MCM8: variants seen among roughly 807,000 people sequenced by gnomAD.
The protein encoded by MCM8 is minichromosome maintenance 8 homologous recombination repair factor, also known as DNA helicase MCM8.
In MCM8, 85 loss-of-function variants were observed where a neutral mutation model predicts 98.9. The observed-to-expected ratio is 0.86, with a 90% CI of 0.72 to 1.03. MCM8 has a LOEUF of 1.03. Among genes scored for constraint, MCM8 ranks in the 50% least tolerant of loss-of-function variants. The pLI, the probability that MCM8 is intolerant of heterozygous loss-of-function variation, is 0.00. For missense variants in MCM8, 951 were observed against 997.8 expected (o/e 0.95, Z 0.63); for synonymous variants, 352 against 338.6 (o/e 1.04, Z -0.44).
chr20:5,987,314 A>G lies in MCM8; in HGVS notation c.2196A>G (p.Ala732=). 6.2e-7 allele frequency: 1 copy of G among 1,613,532 alleles called. No homozygotes were observed. The highest frequency in any genetic ancestry group is 8.5e-7 in the Non-Finnish European group (1 of 1,179,804). ...ARARLELREE[A]TKEDAEDIVE... Reference sequence around the variant, plus strand: ...CAAGGTTGGAATTGAGAGAGGAAGCAACCAAAGAAGACGCTGAGGATATAG... The same window carrying G: ...CAAGGTTGGAATTGAGAGAGGAAGCGACCAAAGAAGACGCTGAGGATATAG... The change falls in exon 17 of 19, where the codon GCA becomes GCG. Residue 732 remains alanine (A), a synonymous_variant. Coordinates refer to ENST00000610722, the MANE Select transcript of MCM8 (RefSeq NM_032485.6).
intron 2 of MCM8, 43 bp downstream of exon 2, chr20:5,952,206 A>G: frequency 6.2e-7 from 1 of 1,607,494 alleles, no homozygotes; most frequent in Non-Finnish European, 8.5e-7. Flanking sequence ...CACTTAAGGA[A>G]GCAATTCACG....
Position 5,955,197 on chromosome 20 carries a change from A to C in MCM8, c.432A>C (p.Glu144Asp). 1 of 1,614,008 alleles carries C rather than the reference A, an allele frequency of 6.2e-7. No individual in the cohort carries two copies. Residue 144 changes from glutamate to aspartate, a missense_variant, in exon 5 of 19, where the codon GAA (glutamate) becomes GAC (aspartate). By Grantham distance (45) the Glu-to-Asp change is conservative. Transcript: ENST00000610722. The stretch of plus-strand genomic sequence containing the variant: ...ACTTGATACCAGATATAGCAACTGA[A>C]CTAAGAGATGCACCTGAGAAAACCT... Reference protein sequence around the residue: ...VTNLIPDIATELRDAPEKTLA... With the variant: ...VTNLIPDIATDLRDAPEKTLA...
At chr20:5,972,290 C>T (rs529998164) in intron 11 of MCM8, among the ~76,000 whole-genome samples, 1 of 151,896 alleles carries the variant, frequency 6.6e-6, no homozygotes, top group South Asian at 2.1e-4. Context: ...CTGCAACCTC[C>T]AGCTTTGGGG....
chr20:5,957,356 T>C, intron 6 of MCM8, 127 bp downstream of exon 6: 1 of 584,944 alleles, frequency 1.7e-6, no homozygotes, highest in Non-Finnish European at 3.0e-6. Flanking sequence ...GCCATCTCAT[T>C]GATCATCACA....
At chr20:5,955,071 A>T (rs768197568) in intron 4 of MCM8, 31 bp from the exon 5 acceptor site, 14 of 1,495,396 alleles carry the variant, frequency 9.4e-6, no homozygotes, top group Non-Finnish European at 1.3e-5. Flanking sequence ...CAGAAAAGCA[A>T]TTATTGTTTT....
At chr20:5,977,801 GT>G in intron 12 of MCM8, 74 bp from the exon 13 acceptor site, 1 of 1,528,194 alleles carries the variant, frequency 6.5e-7, no homozygotes, top group Non-Finnish European at 9.0e-7. Flanking sequence ...TATACCTAAC[GT>G]TTGTGAGCAA....
At chr20:5,981,975 C>T (rs2089638593) in intron 13 of MCM8, among the ~76,000 whole-genome samples, 1 of 152,022 alleles carries the variant, frequency 6.6e-6, no homozygotes, top group African/African-American at 2.4e-5. Flanking sequence ...AAGAACAAAG[C>T]TTAATACAAT....
chr20:5,983,427 G>A (rs1213791932), intron 14 of MCM8, among the ~76,000 whole-genome samples: 2 of 152,236 alleles, frequency 1.3e-5, no homozygotes, highest in Middle Eastern at 3.4e-3. Flanking sequence ...GTGGCTGGGC[G>A]GGTGGCTTAT....
chr20:5,980,713 A>T (rs1002673103), intron 13 of MCM8, among the ~76,000 whole-genome samples: 1 of 152,068 alleles, frequency 6.6e-6, no homozygotes, highest in Non-Finnish European at 1.5e-5. Context: ...CTCTACTAAA[A>T]ATACAAAAAT....
chr20:5,953,659 G>A (rs1473646169), intron 3 of MCM8, among the ~76,000 whole-genome samples: 1 of 151,968 alleles, frequency 6.6e-6, no homozygotes, highest in Non-Finnish European at 1.5e-5. Context: ...GTTTTTAGTA[G>A]AGACGGGGTT....
chr20:5,969,400 G>A lies in MCM8; in HGVS notation c.1223+1375G>A, dbSNP rs538204457. ...TGAGGTCAGGAGTTCGAGACCAACCGGACCAATATGGTGAAACCCTGTCTC... is the reference window on the plus strand; with the variant it reads ...TGAGGTCAGGAGTTCGAGACCAACCAGACCAATATGGTGAAACCCTGTCTC... On this transcript the variant is annotated intron_variant, in intron 10 of 18. Coordinates refer to ENST00000610722, the MANE Select transcript of MCM8 (RefSeq NM_032485.6). Among the ~76,000 whole-genome samples the A allele has an allele frequency of 4.3e-4, 65 of 152,038 alleles. 1 individual carries two copies. Among genetic ancestry groups the A allele is most frequent in the African/African-American group, 1.4e-3 (60 of 41,476 alleles).
chr20:5,954,680 T>C lies in MCM8; in HGVS notation c.326T>C (p.Leu109Ser). Residue 109 changes from leucine (L) to serine (S), a missense_variant, in exon 4 of 19, where the codon TTG becomes TCG. Coordinates refer to ENST00000610722, the MANE Select transcript of MCM8 (RefSeq NM_032485.6). ...AAATTTTTCACAAGGCATATTGATT[T>C]GTATGACAAGGTAAGATTCCTCTAC... ...FEKFFTRHID[L>S]YDKDEIERKG... 6.3e-7 allele frequency: 1 copy of C among 1,589,244 alleles called. No individual in the cohort carries two copies. Among genetic ancestry groups the C allele is most frequent in the Non-Finnish European group, 8.6e-7 (1 of 1,158,190 alleles).
chr20:5,971,543 T>A (rs968570837), intron 10 of MCM8, among the ~76,000 whole-genome samples: 21 of 152,226 alleles, frequency 1.4e-4, no homozygotes, highest in African/African-American at 5.1e-4. Flanking sequence ...CTTATTTAAT[T>A]TGACCTTTTG....
chr20:5,987,010 A>G (rs147013772), intron 16 of MCM8, among the ~76,000 whole-genome samples: 3 of 151,892 alleles, frequency 2.0e-5, no homozygotes, highest in African/African-American at 7.2e-5. Context: ...ATTTTTTTGT[A>G]GAGACAGGTC....
In MCM8 at chr20:5,982,952, A is replaced by G. The variant is rs779520604; in HGVS notation, c.1538-18A>G. The G allele has an allele frequency of 1.9e-6, 3 of 1,596,738 alleles. No individual in the cohort carries two copies. The Admixed American group carries it at 5.4e-5, about 29-fold the overall frequency. ...AAAGAAAAAATGTTTTTTCTGCTTT[A>G]TTCTACTTCGATTGTAGGTATTTGT... On this transcript the variant is annotated intron_variant, in intron 13 of 18. Coordinates refer to ENST00000610722, the MANE Select transcript of MCM8 (RefSeq NM_032485.6).
intron 10 of MCM8, among the ~76,000 whole-genome samples, chr20:5,968,606 ACT>A (rs2089331831): frequency 1.3e-5 from 2 of 152,172 alleles, no homozygotes; most frequent in African/African-American, 4.8e-5. Context: ...ACATAGCCAC[ACT>A]CATTCATTTA....
In MCM8 at chr20:5,995,994, A is replaced by G. The variant is rs1329270531; in HGVS notation, c.*1603A>G. 1 of 152,268 alleles carries G rather than the reference A, an allele frequency of 6.6e-6. No individual in the cohort carries two copies. The highest frequency in any genetic ancestry group is 1.5e-5 in the Non-Finnish European group (1 of 68,090). The allele number at this position is 152,268 out of a possible 1,614,324, so 9.4% of individuals were successfully genotyped here. On this transcript the variant is annotated 3_prime_UTR_variant, in exon 19 of 19. Transcript: ENST00000610722. ...GTGAGGAAGGAAAAATCAGGAATCA[A>G]AAGGGGCCAGGTGCAGTGGCTCACA...
At chr20:5,954,045 GT>G (rs908532819) in intron 3 of MCM8, among the ~76,000 whole-genome samples, 3 of 152,224 alleles carry the variant, frequency 2.0e-5, no homozygotes, top group African/African-American at 7.2e-5. Flanking sequence ...TAAAGATGGA[GT>G]TCAAGAGGTG....
rs1271769618 is a variant in MCM8, at chr20:5,982,957, A to G, written c.1538-13A>G. 1.9e-6 allele frequency: 3 copies of G among 1,599,844 alleles called. No homozygotes were observed. Among genetic ancestry groups the G allele is most frequent in the Non-Finnish European group, 1.7e-6 (2 of 1,175,492 alleles). Reference sequence around the variant, plus strand: ...AAAAATGTTTTTTCTGCTTTATTCTACTTCGATTGTAGGTATTTGTGGAAT... The same window carrying G: ...AAAAATGTTTTTTCTGCTTTATTCTGCTTCGATTGTAGGTATTTGTGGAAT... On this transcript the variant is annotated splice_polypyrimidine_tract_variant and intron_variant, in intron 13 of 18. Coordinates refer to ENST00000610722, the MANE Select transcript of MCM8 (RefSeq NM_032485.6).
Sources: allele counts gnomAD v4.1 joint callset (sites outside exome capture counted in the v4.1 genomes callset), GRCh38; gene constraint gnomAD v4.1.1; transcripts MANE v1.5; gene names NCBI Gene and HGNC (gene_info 2026-07-23, HGNC 2026-07-21).